RHEX: variants seen among roughly 807,000 people sequenced by gnomAD.
RHEX encodes the protein regulator of hemoglobinization and erythroid cell expansion, also known as regulator of hemoglobinization and erythroid cell expansion protein.
RHEX carries 18 observed loss-of-function variants against 20.1 expected under a neutral mutation model. That is an observed-to-expected ratio of 0.90 (90% confidence interval 0.62 to 1.33). The LOEUF (loss-of-function observed/expected upper bound fraction) is 1.33, where lower values mean the gene tolerates loss of function less well. Among genes scored for constraint, RHEX ranks in the 40% most tolerant of loss-of-function variants. The pLI is 0.00. For missense variants in RHEX, 192 were observed against 214.3 expected, an observed-to-expected ratio of 0.90 and a Z score of 0.65; for synonymous variants, 87 against 77.1, an observed-to-expected ratio of 1.13 and a Z score of -0.67.
At position 206,079,598 on chromosome 1, in the gene RHEX, C is replaced by G. The variant is rs544134905; in HGVS notation, c.-96-18135C>G. 1.6e-3 allele frequency among the ~76,000 whole-genome samples: 250 copies of G among 152,200 alleles called. 1 individual carries two copies. Among genetic ancestry groups the G allele is most frequent in the African/African-American group, 5.9e-3 (245 of 41,494 alleles). On this transcript the variant is annotated intron_variant, in intron 1 of 5. Coordinates refer to ENST00000331555, the MANE Select transcript of RHEX (RefSeq NM_001007544.4). Reference sequence around the variant, plus strand: ...TTAGATGGAGTCTCACTGTGTTGCCCAGGCTGGAGTGCAGTGGTGCGATCT... The same window carrying G: ...TTAGATGGAGTCTCACTGTGTTGCCGAGGCTGGAGTGCAGTGGTGCGATCT...
intron 1 of RHEX, among the ~76,000 whole-genome samples, chr1:206,074,173 T>C (rs1662588098): frequency 6.6e-6 from 1 of 152,208 alleles, no homozygotes. Flanking sequence ...CCAAAGACTG[T>C]GATAGGACCC....
Position 206,099,796 on chromosome 1 carries a change from G to C in RHEX, c.254G>C (p.Arg85Thr). The change falls in exon 4 of 6, where the codon AGG (arginine) becomes ACG (threonine). Residue 85 changes from arginine to threonine, a missense_variant and splice_region_variant. Physicochemically the swap from Arg to Thr is moderately conservative, Grantham distance 71 (BLOSUM62 -1). Transcript: ENST00000331555. ...RDIPMSDSLY[R>T]HDSDTPSDSL... ...ATCCCAATGTCTGATTCCCTTTACA[G>C]GCGTGAGTAAGGGGTTGGAGGGAGA... 3 of 1,613,888 alleles carry C rather than the reference G, an allele frequency of 1.9e-6. No individual in the cohort carries two copies. The highest frequency in any genetic ancestry group is 2.5e-6 in the Non-Finnish European group (3 of 1,179,838).
intron 1 of RHEX, among the ~76,000 whole-genome samples, chr1:206,076,372 C>A (rs1222109411): frequency 1.3e-5 from 2 of 152,122 alleles, no homozygotes; most frequent in Admixed American, 6.5e-5. Context: ...TGCCATGTTG[C>A]CCAGGCTGGT....
At chr1:206,079,847 C>T (rs1185064989) in intron 1 of RHEX, among the ~76,000 whole-genome samples, 1 of 152,194 alleles carries the variant, frequency 6.6e-6, no homozygotes, top group Non-Finnish European at 1.5e-5. Context: ...GCCACCGTGC[C>T]CCACCAGCAA....
At chr1:206,057,051 G>T (rs1381234639) in intron 1 of RHEX, among the ~76,000 whole-genome samples, 2 of 152,236 alleles carry the variant, frequency 1.3e-5, no homozygotes, top group African/African-American at 4.8e-5. Context: ...TGATGGAAAA[G>T]GACTAGATCC....
At chr1:206,096,766 T>TG (rs1663076957) in intron 1 of RHEX, among the ~76,000 whole-genome samples, 1 of 92,318 alleles carries the variant, frequency 1.1e-5, no homozygotes, top group East Asian at 3.6e-4. Flanking sequence ...AAGTCCCCTG[T>TG]TTTTTTTTTT....
At chr1:206,093,648 A>G (rs1455374048) in intron 1 of RHEX, among the ~76,000 whole-genome samples, 1 of 151,976 alleles carries the variant, frequency 6.6e-6, no homozygotes, top group South Asian at 2.1e-4. Flanking sequence ...AAACCTATCC[A>G]AAGAAAGCAT....
intron 1 of RHEX, among the ~76,000 whole-genome samples, chr1:206,060,181 C>A (rs1404988719): frequency 6.6e-6 from 1 of 152,162 alleles, no homozygotes; most frequent in African/African-American, 2.4e-5. Context: ...TCCTCAAGAA[C>A]TGTTTTTCTT....
chr1:206,059,018 G>A (rs899533155), intron 1 of RHEX, among the ~76,000 whole-genome samples: 1 of 151,994 alleles, frequency 6.6e-6, no homozygotes, highest in East Asian at 1.9e-4. Flanking sequence ...TTCTGGCCCT[G>A]GATAGACACC....
intron 1 of RHEX, among the ~76,000 whole-genome samples, chr1:206,078,175 C>T (rs548693999): frequency 2.0e-5 from 3 of 152,222 alleles, no homozygotes; most frequent in Admixed American, 6.5e-5. Context: ...AATTCAACTC[C>T]CTTCCCCACC....
At chr1:206,095,832 G>A (rs1451373603) in intron 1 of RHEX, among the ~76,000 whole-genome samples, 1 of 148,852 alleles carries the variant, frequency 6.7e-6, no homozygotes, top group African/African-American at 2.6e-5. Context: ...AAAGATTTGG[G>A]GTAATTTTTT....
intron 1 of RHEX, among the ~76,000 whole-genome samples, chr1:206,078,600 C>T (rs1360369752): frequency 6.6e-6 from 1 of 151,938 alleles, no homozygotes; most frequent in Non-Finnish European, 1.5e-5. Context: ...ATAACAAAGC[C>T]TGATATTTGT....
chr1:206,097,141 A>G (rs2102329268), intron 1 of RHEX, among the ~76,000 whole-genome samples: 1 of 152,180 alleles, frequency 6.6e-6, no homozygotes, highest in Admixed American at 6.5e-5. Context: ...GGATTTTTCT[A>G]TCCATTTGTC....
chr1:206,073,464 G>A (rs1422170235), intron 1 of RHEX, among the ~76,000 whole-genome samples: 2 of 152,104 alleles, frequency 1.3e-5, no homozygotes, highest in African/African-American at 2.4e-5. Context: ...CTGCACTTGA[G>A]AAAGCTAGTA....
chr1:206,053,679 T>C (rs1662116672), intron 1 of RHEX, among the ~76,000 whole-genome samples: 1 of 152,222 alleles, frequency 6.6e-6, no homozygotes, highest in African/African-American at 2.4e-5. Flanking sequence ...TGAAATAGAC[T>C]GGCCAGCATT....
intron 1 of RHEX, among the ~76,000 whole-genome samples, chr1:206,082,517 CAA>C (rs71568088): frequency 8.6e-5 from 10 of 116,014 alleles, no homozygotes; most frequent in Non-Finnish European, 9.3e-5. Flanking sequence ...GACTCCGTCT[CAA>C]AAAAAAAAAA....
chr1:206,097,449 G>T (rs1279638364), intron 1 of RHEX, among the ~76,000 whole-genome samples: 1 of 152,184 alleles, frequency 6.6e-6, no homozygotes, highest in East Asian at 1.9e-4. Context: ...CCTTTCACAT[G>T]CTGAATCTAT....
intron 1 of RHEX, among the ~76,000 whole-genome samples, chr1:206,082,476 C>G (rs1204637048): frequency 6.6e-6 from 1 of 151,538 alleles, no homozygotes; most frequent in Non-Finnish European, 1.5e-5. Context: ...CGAGGTCGCA[C>G]CATGGCACTC....
At chr1:206,064,100 G>A (rs1270417226) in intron 1 of RHEX, among the ~76,000 whole-genome samples, 7 of 150,252 alleles carry the variant, frequency 4.7e-5, no homozygotes, top group Non-Finnish European at 8.9e-5. Context: ...TCTGGGAGGT[G>A]AGGAGCGTCT....
Sources: allele counts gnomAD v4.1 joint callset (sites outside exome capture counted in the v4.1 genomes callset), GRCh38; gene constraint gnomAD v4.1.1; transcripts MANE v1.5; gene names NCBI Gene and HGNC (gene_info 2026-07-23, HGNC 2026-07-21).